The following CABIN1 variants were observed in gnomAD, a reference collection of about 807,000 sequenced individuals.
The protein encoded by CABIN1 is calcineurin-binding protein cabin-1.
A neutral mutation model predicts 227.7 loss-of-function variants in CABIN1; 133 were observed. The observed-to-expected ratio is 0.58, with a 90% CI of 0.51 to 0.67. The LOEUF is 0.67. CABIN1 is among the 30% of genes least tolerant of loss of function. The pLI, the probability that CABIN1 is intolerant of heterozygous loss-of-function variation, is 0.00. For synonymous variants in CABIN1, 1,086 were observed against 1,155.1 expected, an observed-to-expected ratio of 0.94 and a Z score of 1.21; for missense variants, 2,408 against 2,852.5, an observed-to-expected ratio of 0.84 and a Z score of 3.55.
At chr22:24,084,487 T>C in intron 20 of CABIN1, 92 bp from the exon 21 acceptor site, 1 of 1,022,062 alleles carries the variant, frequency 9.8e-7, no homozygotes, top group East Asian at 2.4e-5. Context: ...CTCATTTACA[T>C]TGGACAAAGT....
At chr22:24,175,116 T>C (rs1050484222) in intron 34 of CABIN1, among the ~76,000 whole-genome samples, 1 of 152,216 alleles carries the variant, frequency 6.6e-6, no homozygotes, top group Non-Finnish European at 1.5e-5. Flanking sequence ...TCTATTCCCA[T>C]TCCCAAAACC....
chr22:24,170,006 C>G (rs1187660929), intron 33 of CABIN1: 2 of 410,846 alleles, frequency 4.9e-6, no homozygotes, highest in Admixed American at 2.7e-5. Context: ...AGGTCCTTAC[C>G]TTTCAGGTTG....
chr22:24,122,732 A>G (rs1054216339), intron 28 of CABIN1, among the ~76,000 whole-genome samples: 5 of 151,626 alleles, frequency 3.3e-5, no homozygotes, highest in Non-Finnish European at 7.4e-5. Flanking sequence ...CAAAAAACCA[A>G]AATGCTCCAA....
At chr22:24,071,072 T>TGCCCC (rs1366231579) in intron 17 of CABIN1, 30 bp downstream of exon 17, 2 of 1,614,008 alleles carry the variant, frequency 1.2e-6, no homozygotes, top group Non-Finnish European at 1.7e-6. Flanking sequence ...CACCCTGCCC[T>TGCCCC]GCCCCAGCAG....
chr22:24,176,573 GC>G (rs1272235294), intron 35 of CABIN1, among the ~76,000 whole-genome samples: 1 of 152,186 alleles, frequency 6.6e-6, no homozygotes, highest in Non-Finnish European at 1.5e-5. Context: ...GCCTGCTTGG[GC>G]CCACTGCAGA....
chr22:24,136,839 A>C (rs1055432132), intron 29 of CABIN1, among the ~76,000 whole-genome samples: 2 of 151,588 alleles, frequency 1.3e-5, no homozygotes, highest in Admixed American at 6.6e-5. Flanking sequence ...CTTCTATGCA[A>C]ATTTCTTGTC....
At chr22:24,118,759 A>C (rs911442544) in intron 27 of CABIN1, among the ~76,000 whole-genome samples, 1 of 152,224 alleles carries the variant, frequency 6.6e-6, no homozygotes, top group Non-Finnish European at 1.5e-5. Flanking sequence ...CCAGCCGTGC[A>C]GCACCACCAC....
intron 1 of CABIN1, among the ~76,000 whole-genome samples, chr22:24,024,213 A>G (rs1208691972): frequency 6.6e-6 from 1 of 151,062 alleles, no homozygotes; most frequent in Non-Finnish European, 1.5e-5. Context: ...TTTTTATTAT[A>G]CTTTAAGTTT....
At chr22:24,056,061 T>A (rs918181187) in intron 9 of CABIN1, 131 bp from the exon 10 acceptor site, 6 of 770,268 alleles carry the variant, frequency 7.8e-6, no homozygotes, top group African/African-American at 7.0e-5. Flanking sequence ...GAAGAAGAGA[T>A]GGAAGATTTT....
At chr22:24,170,419 T>G (rs1458300194) in intron 33 of CABIN1, among the ~76,000 whole-genome samples, 1 of 152,226 alleles carries the variant, frequency 6.6e-6, no homozygotes, top group Non-Finnish European at 1.5e-5. Context: ...TGCCCACGGC[T>G]GAGGCCCGCT....
chr22:24,126,938 G>T (rs982918365), intron 28 of CABIN1, among the ~76,000 whole-genome samples: 6 of 151,346 alleles, frequency 4.0e-5, no homozygotes, highest in Non-Finnish European at 7.4e-5. Context: ...GGCAGAGGTT[G>T]CAGTGAGCCA....
At chr22:24,110,710 A>G (rs1191567984) in intron 26 of CABIN1, among the ~76,000 whole-genome samples, 1 of 151,866 alleles carries the variant, frequency 6.6e-6, no homozygotes, top group East Asian at 1.9e-4. Context: ...TTATTCTTTC[A>G]GCACTTTAAA....
intron 1 of CABIN1, among the ~76,000 whole-genome samples, chr22:24,030,766 A>T (rs1403646821): frequency 6.6e-6 from 1 of 152,040 alleles, no homozygotes; most frequent in Admixed American, 6.5e-5. Context: ...CAGACAGCAT[A>T]TGGGGCCAGA....
At chr22:24,011,799 C>T (rs1298779181) in intron 1 of CABIN1, 2 of 152,244 alleles carry the variant, frequency 1.3e-5, no homozygotes, top group Non-Finnish European at 2.9e-5. Context: ...TGATTTGCTC[C>T]AAGTCACCCA....
intron 7 of CABIN1, among the ~76,000 whole-genome samples, chr22:24,049,846 C>G (rs2147277577): frequency 6.6e-6 from 1 of 152,286 alleles, no homozygotes; most frequent in South Asian, 2.1e-4. Context: ...CACCTCTCCA[C>G]CTGTCCCGCC....
intron 29 of CABIN1, among the ~76,000 whole-genome samples, chr22:24,145,081 A>T (rs1183730817): frequency 1.3e-5 from 2 of 152,246 alleles, no homozygotes; most frequent in Non-Finnish European, 2.9e-5. Flanking sequence ...GGGCACAGAC[A>T]GTGCCACATG....
intron 22 of CABIN1, among the ~76,000 whole-genome samples, chr22:24,086,927 C>T (rs1157176595): frequency 6.6e-6 from 1 of 152,088 alleles, no homozygotes; most frequent in Non-Finnish European, 1.5e-5. Flanking sequence ...TTGCTGGGGT[C>T]CAGGGGTCTC....
At chr22:24,098,891 C>A (rs994521892) in intron 26 of CABIN1, among the ~76,000 whole-genome samples, 1 of 152,148 alleles carries the variant, frequency 6.6e-6, no homozygotes, top group Non-Finnish European at 1.5e-5. Context: ...AAAGTGGAGT[C>A]CTGGGAGGTA....
At chr22:24,090,844 G>C (rs1230016291) in intron 23 of CABIN1, among the ~76,000 whole-genome samples, 1 of 152,086 alleles carries the variant, frequency 6.6e-6, no homozygotes, top group Non-Finnish European at 1.5e-5. Flanking sequence ...GGGCTGCTCA[G>C]AGCAGCTCTG....
Sources: allele counts gnomAD v4.1 joint callset (sites outside exome capture counted in the v4.1 genomes callset), GRCh38; gene constraint gnomAD v4.1.1; transcripts MANE v1.5; gene names NCBI Gene and HGNC (gene_info 2026-07-23, HGNC 2026-07-21).